Variants in FOCAD observed in about 807,000 individuals in gnomAD.
The protein encoded by FOCAD is KIAA1797.
FOCAD carries 198 observed loss-of-function variants against 225.6 expected under a neutral mutation model. The ratio of observed to expected loss-of-function variants is 0.88; its 90% CI spans 0.78 to 0.99. The LOEUF (loss-of-function observed/expected upper bound fraction) is 0.99, where lower values mean the gene tolerates loss of function less well. Ranked by LOEUF, FOCAD falls within the 50% of genes least tolerant of loss-of-function variation. The probability of loss-of-function intolerance (pLI) is 0.00; values close to 1 mark genes in which losing one functional copy is unlikely to be tolerated. For missense variants in FOCAD, 2,713 were observed against 2,123.6 expected (o/e 1.28, Z -5.46); for synonymous variants, 897 against 755.0 (o/e 1.19, Z -3.08).
intron 2 of FOCAD, among the ~76,000 whole-genome samples, chr9:20,716,426 A>T (rs1219923508): frequency 6.6e-6 from 1 of 152,124 alleles, no homozygotes; most frequent in Non-Finnish European, 1.5e-5. Flanking sequence ...AGGCTGATTT[A>T]TCCTTGGGTT....
At chr9:20,856,298 T>C (rs1828176280) in intron 15 of FOCAD, among the ~76,000 whole-genome samples, 1 of 151,866 alleles carries the variant, frequency 6.6e-6, no homozygotes. Context: ...ATTTTAACTG[T>C]GGTGAGATAA....
At chr9:20,801,075 C>T (rs945197485) in intron 11 of FOCAD, among the ~76,000 whole-genome samples, 1 of 152,058 alleles carries the variant, frequency 6.6e-6, no homozygotes, top group African/African-American at 2.4e-5. Context: ...CAGTCAGTAC[C>T]CTCAACTTCA....
intron 24 of FOCAD, 129 bp downstream of exon 24, chr9:20,917,066 A>T (rs563095680): frequency 8.6e-6 from 6 of 701,550 alleles, no homozygotes; most frequent in Admixed American, 3.4e-5. Flanking sequence ...TTATTTTTTT[A>T]AAAAATTAAT....
chr9:20,926,549 T>A, intron 26 of FOCAD, 132 bp downstream of exon 26: 1 of 601,646 alleles, frequency 1.7e-6, no homozygotes, highest in Non-Finnish European at 3.0e-6. Context: ...TTTGGAAGTC[T>A]GAGGTGGGCG....
At chr9:20,720,309 A>G in intron 3 of FOCAD, 71 bp from the exon 4 acceptor site, 1 of 1,469,032 alleles carries the variant, frequency 6.8e-7, no homozygotes, top group African/African-American at 1.4e-5. Flanking sequence ...TCATTGATGA[A>G]TGACCAAAGG....
At chr9:20,715,464 A>G in intron 2 of FOCAD, 54 bp downstream of exon 2, 2 of 1,000,632 alleles carry the variant, frequency 2.0e-6, no homozygotes, top group Non-Finnish European at 2.8e-6. Flanking sequence ...TGTTCTGTGG[A>G]TTTTTAACTG....
At chr9:20,809,457 A>G (rs1822813095) in intron 11 of FOCAD, among the ~76,000 whole-genome samples, 1 of 152,154 alleles carries the variant, frequency 6.6e-6, no homozygotes, top group African/African-American at 2.4e-5. Flanking sequence ...AATTTAATTC[A>G]ATTGATCAAT....
intron 2 of FOCAD, among the ~76,000 whole-genome samples, chr9:20,665,412 G>A (rs776102432): frequency 2.6e-5 from 4 of 152,042 alleles, no homozygotes; most frequent in East Asian, 1.9e-4. Flanking sequence ...AATGAATGAC[G>A]AATCAGCTAA....
At chr9:20,752,766 C>T (rs980329519) in intron 5 of FOCAD, among the ~76,000 whole-genome samples, 116 of 152,224 alleles carry the variant, frequency 7.6e-4, no homozygotes, top group Middle Eastern at 3.4e-3. Flanking sequence ...GCCATTTTCA[C>T]GATATTGATT....
chr9:20,670,074 A>G (rs1340816556), intron 2 of FOCAD, among the ~76,000 whole-genome samples: 1 of 152,226 alleles, frequency 6.6e-6, no homozygotes, highest in African/African-American at 2.4e-5. Flanking sequence ...TTTTTAACCC[A>G]TGGTGTTTAT....
intron 41 of FOCAD, 47 bp from the exon 42 acceptor site, chr9:20,990,076 G>A: frequency 6.2e-7 from 1 of 1,608,046 alleles, no homozygotes; most frequent in Non-Finnish European, 8.5e-7. Flanking sequence ...GTGTTACTTT[G>A]AATTGTTAAA....
chr9:20,920,043 A>G (rs1451656275), intron 24 of FOCAD, among the ~76,000 whole-genome samples: 1 of 152,140 alleles, frequency 6.6e-6, no homozygotes, highest in African/African-American at 2.4e-5. Context: ...AAATGGGAGA[A>G]AATTTTCTCA....
At chr9:20,946,414 T>C (rs1320739484) in intron 29 of FOCAD, among the ~76,000 whole-genome samples, 3 of 152,234 alleles carry the variant, frequency 2.0e-5, no homozygotes, top group Non-Finnish European at 2.9e-5. Context: ...TTTACTATTA[T>C]GAGTCTAAAG....
chr9:20,789,974 C>A (rs555326187), intron 11 of FOCAD, among the ~76,000 whole-genome samples: 100 of 152,260 alleles, frequency 6.6e-4, no homozygotes, highest in Middle Eastern at 6.8e-3. Flanking sequence ...AAAGTGGACA[C>A]AGATTAATCA....
intron 15 of FOCAD, among the ~76,000 whole-genome samples, chr9:20,831,130 G>T (rs1587336320): frequency 6.6e-6 from 1 of 152,062 alleles, no homozygotes; most frequent in East Asian, 1.9e-4. Context: ...TTGTTCTAGA[G>T]GTATTTGGGT....
chr9:20,957,395 C>T (rs1838257982), intron 35 of FOCAD: 1 of 150,622 alleles, frequency 6.6e-6, no homozygotes, highest in South Asian at 2.1e-4. Context: ...AATATTTCAT[C>T]AAATTCATAA....
chr9:20,838,236 T>C (rs1826182855), intron 15 of FOCAD, among the ~76,000 whole-genome samples: 1 of 152,116 alleles, frequency 6.6e-6, no homozygotes, highest in African/African-American at 2.4e-5. Flanking sequence ...ACATTAGTTA[T>C]CTTTTGTGAT....
intron 11 of FOCAD, among the ~76,000 whole-genome samples, chr9:20,812,413 T>C (rs1159904773): frequency 6.6e-6 from 1 of 152,088 alleles, no homozygotes. Flanking sequence ...TATAAGTAGA[T>C]AACACTACTT....
At chr9:20,883,696 A>C (rs1830870214) in intron 20 of FOCAD, among the ~76,000 whole-genome samples, 1 of 152,232 alleles carries the variant, frequency 6.6e-6, no homozygotes, top group Non-Finnish European at 1.5e-5. Context: ...AGATAGTTTG[A>C]AGTGAATGAT....
Sources: gnomAD v4.1 joint callset for allele counts (sites outside exome capture counted in the v4.1 genomes callset) on GRCh38, gnomAD v4.1.1 for gene constraint, MANE v1.5 for transcripts, NCBI Gene and HGNC (gene_info 2026-07-23, HGNC 2026-07-21) for gene names.